The following NRCAM variants were observed in gnomAD, a reference collection of about 807,000 sequenced individuals.
NRCAM encodes NgCAM-related cell adhesion molecule.
In NRCAM, 83 loss-of-function variants were observed where a neutral mutation model predicts 156.5. The observed-to-expected ratio is 0.53, with a 90% CI of 0.44 to 0.64. The LOEUF (loss-of-function observed/expected upper bound fraction) is 0.64. Among genes scored for constraint, NRCAM ranks in the 30% least tolerant of loss-of-function variants. NRCAM has a pLI of 0.00. For missense variants in NRCAM, 1,417 were observed against 1,597.3 expected (o/e 0.89, Z 1.92); for synonymous variants, 538 against 563.9 (o/e 0.95, Z 0.65).
intron 2 of NRCAM, among the ~76,000 whole-genome samples, chr7:108,318,212 A>AT (rs2154197338): frequency 6.6e-6 from 1 of 151,260 alleles, no homozygotes; most frequent in Non-Finnish European, 1.5e-5. Context: ...TGCCCGGCTA[A>AT]TTTTTTGCAT....
At chr7:108,275,984 G>T (rs1181381702) in intron 3 of NRCAM, among the ~76,000 whole-genome samples, 1 of 151,944 alleles carries the variant, frequency 6.6e-6, no homozygotes, top group Non-Finnish European at 1.5e-5. Flanking sequence ...CCTTAATTTC[G>T]TAATTTACCC....
chr7:108,255,785 C>G (rs575648078), intron 3 of NRCAM, among the ~76,000 whole-genome samples: 2 of 151,902 alleles, frequency 1.3e-5, no homozygotes, highest in Non-Finnish European at 2.9e-5. Flanking sequence ...ACCGCCACCC[C>G]GTCTGGGAGG....
chr7:108,419,377 T>A (rs1179227569), intron 1 of NRCAM, among the ~76,000 whole-genome samples: 1 of 152,172 alleles, frequency 6.6e-6, no homozygotes, highest in Non-Finnish European at 1.5e-5. Context: ...AGAATATGAT[T>A]TATATTGCTT....
intron 1 of NRCAM, among the ~76,000 whole-genome samples, chr7:108,406,871 ATAC>A (rs1403559537): frequency 6.6e-6 from 1 of 152,232 alleles, no homozygotes; most frequent in African/African-American, 2.4e-5. Flanking sequence ...TGGGTAATGC[ATAC>A]TAGTATGAAG....
chr7:108,273,342 G>A (rs1171130019), intron 3 of NRCAM, among the ~76,000 whole-genome samples: 1 of 152,174 alleles, frequency 6.6e-6, no homozygotes, highest in Admixed American at 6.5e-5. Context: ...CACAATGGTT[G>A]AACTAGTTTA....
chr7:108,197,031 C>A (rs2075509941), intron 14 of NRCAM, among the ~76,000 whole-genome samples: 3 of 152,158 alleles, frequency 2.0e-5, no homozygotes. Context: ...GAAGGAAATT[C>A]TATCATTTCC....
chr7:108,277,542 G>A (rs1424615318), intron 3 of NRCAM, among the ~76,000 whole-genome samples: 1 of 151,898 alleles, frequency 6.6e-6, no homozygotes. Context: ...ATTGAAGCTT[G>A]TGTATGCTTC....
chr7:108,216,059 T>G (rs554539364), intron 11 of NRCAM, among the ~76,000 whole-genome samples: 1 of 152,348 alleles, frequency 6.6e-6, no homozygotes, highest in Admixed American at 6.5e-5. Flanking sequence ...TGGTTTTTCC[T>G]TTCCATATTT....
intron 32 of NRCAM, among the ~76,000 whole-genome samples, chr7:108,159,011 C>A (rs180743496): frequency 9.7e-4 from 148 of 152,214 alleles, no homozygotes; most frequent in African/African-American, 3.4e-3. Context: ...GATTAAAGGG[C>A]AAGGGTATGG....
At chr7:108,425,002 T>C (rs1815238097) in intron 1 of NRCAM, among the ~76,000 whole-genome samples, 1 of 152,194 alleles carries the variant, frequency 6.6e-6, no homozygotes, top group South Asian at 2.1e-4. Context: ...AGTGCATAGA[T>C]AAGAAGTTAA....
chr7:108,182,070 C>T (rs2063774649), intron 23 of NRCAM, 133 bp from the exon 24 acceptor site: 9 of 596,828 alleles, frequency 1.5e-5, no homozygotes, highest in Non-Finnish European at 2.6e-5. Flanking sequence ...GGCTTGAACA[C>T]AGATTTTGGG....
At chr7:108,414,117 A>G (rs1279848193) in intron 1 of NRCAM, among the ~76,000 whole-genome samples, 1 of 152,202 alleles carries the variant, frequency 6.6e-6, no homozygotes, top group Non-Finnish European at 1.5e-5. Context: ...CATAATCTGA[A>G]AACAGGAACT....
At chr7:108,329,633 T>C (rs1203742240) in intron 2 of NRCAM, among the ~76,000 whole-genome samples, 2 of 152,206 alleles carry the variant, frequency 1.3e-5, no homozygotes, top group South Asian at 2.1e-4. Flanking sequence ...ATATATTTCT[T>C]TGAAGCTCTT....
intron 3 of NRCAM, among the ~76,000 whole-genome samples, chr7:108,299,405 AG>A (rs2098544561): frequency 6.6e-6 from 1 of 152,150 alleles, no homozygotes; most frequent in Non-Finnish European, 1.5e-5. Context: ...CTGTGGACAA[AG>A]GTCAGACCTG....
At chr7:108,243,364 ATGAGAGTAAT>A (rs1278023589) in intron 3 of NRCAM, 1 of 152,246 alleles carries the variant, frequency 6.6e-6, no homozygotes, top group Non-Finnish European at 1.5e-5. Context: ...ATTTCTCTCG[ATGAGAGTAAT>A]GTACTCTGCA....
intron 2 of NRCAM, among the ~76,000 whole-genome samples, chr7:108,385,078 G>A (rs1252098827): frequency 6.6e-6 from 1 of 152,204 alleles, no homozygotes; most frequent in Non-Finnish European, 1.5e-5. Flanking sequence ...TGTAGCATCT[G>A]ATCCTAAGCA....
At chr7:108,300,981 T>A (rs1275636643) in intron 3 of NRCAM, among the ~76,000 whole-genome samples, 2 of 152,170 alleles carry the variant, frequency 1.3e-5, no homozygotes, top group East Asian at 3.9e-4. Context: ...AATAGTTCTT[T>A]AAAAAAATAA....
chr7:108,240,241 C>T (rs905989370), intron 3 of NRCAM, 71 bp from the exon 4 acceptor site: 2 of 514,304 alleles, frequency 3.9e-6, no homozygotes, highest in Non-Finnish European at 3.5e-6. Context: ...CGGAAGTCTG[C>T]AGCACAGAGA....
chr7:108,154,000 G>A (rs1158061649), intron 32 of NRCAM, among the ~76,000 whole-genome samples: 1 of 152,088 alleles, frequency 6.6e-6, no homozygotes, highest in African/African-American at 2.4e-5. Flanking sequence ...TCCCCATATT[G>A]CCCTTTAGCT....
Sources: allele counts gnomAD v4.1 joint callset (sites outside exome capture counted in the v4.1 genomes callset), GRCh38; gene constraint gnomAD v4.1.1; transcripts MANE v1.5; gene names NCBI Gene and HGNC (gene_info 2026-07-23, HGNC 2026-07-21).